Variants in RNF169 observed in about 807,000 individuals in gnomAD.
RNF169 encodes the protein E3 ubiquitin-protein ligase RNF169.
Under a neutral mutation model 53.9 loss-of-function variants are expected in RNF169, and 24 were observed. The ratio of observed to expected loss-of-function variants is 0.45; its 90% CI spans 0.32 to 0.63. The LOEUF (loss-of-function observed/expected upper bound fraction) is 0.63, where lower values mean the gene tolerates loss of function less well. Ranked by LOEUF, RNF169 falls within the 20% of genes least tolerant of loss-of-function variation. The pLI is 0.04. For missense variants in RNF169, 883 were observed against 906.2 expected (o/e 0.97, Z 0.33); for synonymous variants, 396 against 363.5 (o/e 1.09, Z -1.02).
chr11:74,804,902 A>G (rs1383938482), intron 2 of RNF169, among the ~76,000 whole-genome samples: 2 of 152,266 alleles, frequency 1.3e-5, no homozygotes, highest in Admixed American at 6.5e-5. Flanking sequence ...GTTTGAACAA[A>G]TTCCACAAAA....
At chr11:74,806,701 T>C (rs555461070) in intron 2 of RNF169, among the ~76,000 whole-genome samples, 2 of 151,914 alleles carry the variant, frequency 1.3e-5, no homozygotes, top group South Asian at 2.1e-4. Context: ...TCAGTAAACA[T>C]GTAAGACTTC....
chr11:74,823,140 C>CTTAAA (rs2036040479), intron 4 of RNF169, among the ~76,000 whole-genome samples: 1 of 152,192 alleles, frequency 6.6e-6, no homozygotes, highest in Admixed American at 6.5e-5. Context: ...AATATTTTTA[C>CTTAAA]ATTCATGATT....
At chr11:74,808,213 A>T (rs1291580370) in intron 2 of RNF169, 1 of 152,178 alleles carries the variant, frequency 6.6e-6, no homozygotes, top group African/African-American at 2.4e-5. Context: ...TTAAGAAAAA[A>T]ATAAACTATT....
intron 1 of RNF169, among the ~76,000 whole-genome samples, chr11:74,773,263 G>T (rs2035285134): frequency 1.3e-5 from 2 of 152,110 alleles, no homozygotes; most frequent in South Asian, 4.1e-4. Flanking sequence ...TGCGATAAAT[G>T]ACTTTATTGT....
At chr11:74,823,170 A>T (rs2036040935) in intron 4 of RNF169, among the ~76,000 whole-genome samples, 1 of 152,210 alleles carries the variant, frequency 6.6e-6, no homozygotes, top group South Asian at 2.1e-4. Flanking sequence ...GTTAGTGTCC[A>T]CATTTATACT....
intron 2 of RNF169, chr11:74,808,151 G>C (rs1185496104): frequency 6.6e-6 from 1 of 151,956 alleles, no homozygotes; most frequent in African/African-American, 2.4e-5. Flanking sequence ...TTTGAGCTCA[G>C]GAGTTTGAGA....
chr11:74,763,521 AG>A (rs2135315589), intron 1 of RNF169, among the ~76,000 whole-genome samples: 2 of 152,358 alleles, frequency 1.3e-5, no homozygotes, highest in South Asian at 4.1e-4. Context: ...CATTTGAAAA[AG>A]AATGAAACAT....
At position 74,749,210 on chromosome 11, in the gene RNF169, C is replaced by A; in HGVS notation, c.330C>A (p.Gly110=). The A allele has an allele frequency of 9.0e-7, 1 of 1,107,698 alleles. No homozygotes were observed. Among genetic ancestry groups the A allele is most frequent in the East Asian group, 5.5e-5 (1 of 18,080 alleles). 68.6% of individuals were successfully genotyped at this position (1,107,698 alleles called of 1,614,324 possible). Residue 110 remains glycine, a synonymous_variant, in exon 1 of 6, where the codon GGC becomes GGA. Coordinates refer to ENST00000299563, the MANE Select transcript of RNF169 (RefSeq NM_001098638.2). ...GTTGCCCTCGCTGCCGCGCCCGCGG[C>A]CCAGGCTGGGCCCGCCGTCGGGCCC... ...GPGCPRCRAR[G]PGWARRRARD...
At chr11:74,809,153 C>G (rs77997296) in intron 2 of RNF169, among the ~76,000 whole-genome samples, 1 of 151,562 alleles carries the variant, frequency 6.6e-6, no homozygotes, top group Non-Finnish European at 1.5e-5. Flanking sequence ...GAGGCAGCAG[C>G]CTATCAAAAA....
Position 74,835,901 on chromosome 11 carries a change from A to G in RNF169, c.1298A>G (p.Lys433Arg). Residue 433 changes from lysine to arginine, a missense_variant, in exon 6 of 6, where the codon AAG becomes AGG. Around this residue, in one of 3 missense-constraint regions of RNF169, gnomAD observed 351 missense variants for 337.3 expected, o/e 1.04. Transcript: ENST00000299563. The stretch of plus-strand genomic sequence containing the variant: ...GAGGCCAGTCCACGGATCCTCAAAA[A>G]GTGGGAACAGATCTTTCAGGAGCGG... Reference protein sequence around the residue: ...SYEASPRILKKWEQIFQERQI... With the variant: ...SYEASPRILKRWEQIFQERQI... 1 of 1,614,238 alleles carries G rather than the reference A, an allele frequency of 6.2e-7. No homozygotes were observed. The highest frequency in any genetic ancestry group is 8.5e-7 in the Non-Finnish European group (1 of 1,180,046).
At chr11:74,797,388 A>G (rs2035664858) in intron 2 of RNF169, among the ~76,000 whole-genome samples, 1 of 152,098 alleles carries the variant, frequency 6.6e-6, no homozygotes, top group African/African-American at 2.4e-5. Flanking sequence ...ATTTTTATTT[A>G]TTTATTTAAA....
chr11:74,804,360 C>T (rs1464272935), intron 2 of RNF169, among the ~76,000 whole-genome samples: 1 of 152,074 alleles, frequency 6.6e-6, no homozygotes, highest in East Asian at 1.9e-4. Flanking sequence ...TGTAAAATAA[C>T]AATTTGTGAA....
chr11:74,771,205 AT>A (rs574330953), intron 1 of RNF169, among the ~76,000 whole-genome samples: 29 of 152,160 alleles, frequency 1.9e-4, no homozygotes, highest in Middle Eastern at 6.8e-3. Flanking sequence ...CTTAAAGTAG[AT>A]TTGGGCTAGT....
intron 1 of RNF169, among the ~76,000 whole-genome samples, chr11:74,779,459 T>C (rs952289450): frequency 1.3e-5 from 2 of 152,194 alleles, no homozygotes; most frequent in African/African-American, 2.4e-5. Flanking sequence ...ATATTGCCTG[T>C]TGTAAACTGT....
intron 4 of RNF169, among the ~76,000 whole-genome samples, chr11:74,833,649 C>T (rs2036210923): frequency 6.6e-6 from 1 of 152,080 alleles, no homozygotes; most frequent in African/African-American, 2.4e-5. Context: ...TCTCTGTATT[C>T]TCAGTGCCTG....
chr11:74,774,428 A>G (rs539460019), intron 1 of RNF169, among the ~76,000 whole-genome samples: 3 of 152,274 alleles, frequency 2.0e-5, no homozygotes, highest in South Asian at 4.2e-4. Flanking sequence ...GATAACTTAA[A>G]TAAGGCTAGT....
chr11:74,776,308 G>A (rs1368928624), intron 1 of RNF169, among the ~76,000 whole-genome samples: 1 of 151,632 alleles, frequency 6.6e-6, no homozygotes, highest in African/African-American at 2.4e-5. Flanking sequence ...CTAGTGTTTA[G>A]TTCTATAAAA....
chr11:74,840,632 G>A lies in RNF169; in HGVS notation c.*3902G>A, dbSNP rs952839836. 1 of 152,134 alleles carries A rather than the reference G, an allele frequency of 6.6e-6. No homozygotes were observed. The highest frequency in any genetic ancestry group is 6.6e-5 in the Admixed American group (1 of 15,262). 9.4% of individuals were successfully genotyped at this position (152,134 alleles called of 1,614,324 possible). A position where few individuals can be genotyped will look rare whatever the true frequency, so the allele number is the denominator to read the frequency against. ...CTCATCAGAGCTGGCAGCAACTTGG[G>A]ATTCCTTTCCTTTTTCCTGCCTAAC... On this transcript the variant is annotated 3_prime_UTR_variant, in exon 6 of 6. Transcript: ENST00000299563.
At chr11:74,779,584 A>G (rs1233492883) in intron 1 of RNF169, among the ~76,000 whole-genome samples, 2 of 152,200 alleles carry the variant, frequency 1.3e-5, no homozygotes, top group African/African-American at 4.8e-5. Context: ...AATAGTAGAT[A>G]AAATGGGAAA....
Sources: allele counts gnomAD v4.1 joint callset (sites outside exome capture counted in the v4.1 genomes callset), GRCh38; gene constraint gnomAD v4.1.1; regional missense constraint gnomAD v4.1.1; transcripts MANE v1.5; gene names NCBI Gene and HGNC (gene_info 2026-07-23, HGNC 2026-07-21).